The following TTLL12 variants were observed in gnomAD, a reference collection of about 807,000 sequenced individuals.
TTLL12 encodes the protein tubulin tyrosine ligase like 12, also known as tubulin--tyrosine ligase-like protein 12.
Under a neutral mutation model 79.6 loss-of-function variants are expected in TTLL12, and 77 were observed. The observed-to-expected ratio is 0.97, with a 90% CI of 0.81 to 1.17. The LOEUF (loss-of-function observed/expected upper bound fraction) is 1.17. Ranked by LOEUF, TTLL12 falls within the 50% of genes most tolerant of loss-of-function variation. The pLI is 0.00. For missense variants in TTLL12, 969 were observed against 895.9 expected (o/e 1.08, Z -1.04); for synonymous variants, 437 against 376.1 (o/e 1.16, Z -1.87).
intron 1 of TTLL12, among the ~76,000 whole-genome samples, chr22:43,185,272 T>C (rs1932153480): frequency 3.0e-5 from 1 of 32,900 alleles, no homozygotes; most frequent in African/African-American, 8.1e-5. Context: ...TATATATATA[T>C]ATATATATAT....
In TTLL12 at chr22:43,167,054, C is replaced by T. The variant is rs1931634694; in HGVS notation, c.*954G>A. On this transcript the variant is annotated 3_prime_UTR_variant, in exon 14 of 14. Coordinates refer to ENST00000216129, the MANE Select transcript of TTLL12 (RefSeq NM_015140.4). ...CAATTAGAAAAGAACTGGAATTTTACATTTTTCTCCCATACATTAAAAAAT... is the reference window on the plus strand; with the variant it reads ...CAATTAGAAAAGAACTGGAATTTTATATTTTTCTCCCATACATTAAAAAAT... 2 of 355,318 alleles carry T rather than the reference C, an allele frequency of 5.6e-6. No homozygotes were observed. The highest frequency in any genetic ancestry group is 1.2e-5 in the Non-Finnish European group (2 of 173,700). The allele number at this position is 355,318 out of a possible 1,614,324, so 22.0% of individuals were successfully genotyped here. A position where few individuals can be genotyped will look rare whatever the true frequency, so the allele number is the denominator to read the frequency against.
At position 43,167,385 on chromosome 22, in the gene TTLL12, T is replaced by C; in HGVS notation, c.*623A>G. ...TCCTGCCAGGACCTCAGCAGGAGGTTTGCTGGTGAAGGTTCTGGGTGAGCT... is the reference window on the plus strand; with the variant it reads ...TCCTGCCAGGACCTCAGCAGGAGGTCTGCTGGTGAAGGTTCTGGGTGAGCT... On this transcript the variant is annotated 3_prime_UTR_variant, in exon 14 of 14. Coordinates refer to ENST00000216129, the MANE Select transcript of TTLL12 (RefSeq NM_015140.4). 1 of 309,640 alleles carries C rather than the reference T, an allele frequency of 3.2e-6. No homozygotes were observed. Among genetic ancestry groups the C allele is most frequent in the Non-Finnish European group, 6.5e-6 (1 of 154,526 alleles). The allele number at this position is 309,640 out of a possible 1,614,324, so 19.2% of individuals were successfully genotyped here. A position where few individuals can be genotyped will look rare whatever the true frequency, so the allele number is the denominator to read the frequency against.
chr22:43,173,732 G>A lies in TTLL12; in HGVS notation c.1324C>T (p.Arg442Ter), dbSNP rs767704612. ...GGGCCCACCTTGGGGGTGCTCTCTC[G>A]GTGCCGGATGATGCTGTGCAGGCTC... ...TKSLHSIIRH[R>*]ESTPKVVSKY... is the part of the protein sequence containing the mutation. Residue 442 changes from arginine (R) to a stop codon, truncating the protein, a stop_gained, in exon 9 of 14, where the codon CGA becomes TGA. Coordinates refer to ENST00000216129, the MANE Select transcript of TTLL12 (RefSeq NM_015140.4). LOFTEE classifies it high-confidence loss of function. 7 of 1,602,602 alleles carry A rather than the reference G, an allele frequency of 4.4e-6. No homozygotes were observed. The South Asian group carries it at 4.4e-5, about 10-fold the overall frequency.
chr22:43,168,295 C>G, intron 13 of TTLL12, 136 bp from the exon 14 acceptor site: 1 of 1,291,844 alleles, frequency 7.7e-7, no homozygotes, highest in Non-Finnish European at 1.0e-6. Context: ...AGGACAAGGC[C>G]GGGCCTAGAA....
Position 43,184,727 on chromosome 22 carries a change from T to G in TTLL12, c.178-1578A>C, listed in dbSNP as rs575349893. Among the ~76,000 whole-genome samples, 3 of 152,290 alleles carry G rather than the reference T, an allele frequency of 2.0e-5. No individual in the cohort carries two copies. The South Asian group carries it at 6.2e-4, about 32-fold the overall frequency. ...TCCAGACCTCGGGCTTCCGCCCCAG[T>G]ACTCCAAATCCCTAGGGGACAGCGT... On this transcript the variant is annotated intron_variant, in intron 1 of 13. Transcript: ENST00000216129.
chr22:43,183,785 G>A (rs974906189), intron 1 of TTLL12, among the ~76,000 whole-genome samples: 6 of 152,258 alleles, frequency 3.9e-5, no homozygotes, highest in African/African-American at 1.2e-4. Flanking sequence ...GAGCAGAGGG[G>A]TCCCTGGCAC....
At chr22:43,177,061 T>C (rs145668500) in intron 5 of TTLL12, among the ~76,000 whole-genome samples, 4 of 152,146 alleles carry the variant, frequency 2.6e-5, no homozygotes, top group African/African-American at 4.8e-5. Flanking sequence ...GCTTCTGCAG[T>C]GTGATGATTT....
intron 6 of TTLL12, among the ~76,000 whole-genome samples, chr22:43,174,988 A>G (rs1601770444): frequency 6.6e-6 from 1 of 152,264 alleles, no homozygotes; most frequent in Non-Finnish European, 1.5e-5. Context: ...AGGCACACCA[A>G]GGGCCTCCGT....
chr22:43,173,675 AGGGCCCTGAGCCCTG>A, intron 9 of TTLL12, 25 bp downstream of exon 9: 1 of 1,575,780 alleles, frequency 6.3e-7, no homozygotes, highest in Non-Finnish European at 8.6e-7. Flanking sequence ...CTGTCCAGCC[AGGGCCCTGAGCCCTG>A]GGGCTCCTGG....
intron 9 of TTLL12, 114 bp from the exon 10 acceptor site, chr22:43,172,668 G>T: frequency 3.3e-6 from 4 of 1,194,700 alleles, no homozygotes; most frequent in Non-Finnish European, 2.4e-6. Context: ...TCCTCCTTCT[G>T]CCTTTTCAAA....
chr22:43,174,531 G>C lies in TTLL12; in HGVS notation c.1002C>G (p.Ile334Met). The change falls in exon 7 of 14, where the codon ATC becomes ATG. Residue 334 changes from isoleucine (I) to methionine (M), a missense_variant. Transcript: ENST00000216129. ...CCTTGAAGTGTGAGAAGTTGAAGAG[G>C]ATGTCGGCGTCCGCCTCACTCTGGG... ...TLTQSEADAD[I>M]LFNFSHFKDY... The C allele has an allele frequency of 6.2e-7, 1 of 1,613,452 alleles. No homozygotes were observed. The highest frequency in any genetic ancestry group is 1.3e-5 in the African/African-American group (1 of 75,060).
intron 1 of TTLL12, among the ~76,000 whole-genome samples, chr22:43,186,423 A>C (rs1243951575): frequency 6.6e-6 from 1 of 152,228 alleles, no homozygotes; most frequent in South Asian, 2.1e-4. Context: ...TTAACCTGCA[A>C]GATGAGGGGA....
chr22:43,171,690 AG>A, intron 11 of TTLL12, 128 bp downstream of exon 11: 1 of 683,582 alleles, frequency 1.5e-6, no homozygotes, highest in Non-Finnish European at 2.5e-6. Context: ...CTTCCATAGC[AG>A]GAACTCAGGA....
chr22:43,170,452 C>T (rs1289115069), intron 11 of TTLL12, among the ~76,000 whole-genome samples: 2 of 152,210 alleles, frequency 1.3e-5, no homozygotes, highest in African/African-American at 4.8e-5. Context: ...CCAGGTGCCT[C>T]CACGCATGTT....
At chr22:43,185,630 A>G (rs115096319) in intron 1 of TTLL12, among the ~76,000 whole-genome samples, 3,754 of 152,272 alleles carry the variant, frequency 0.025, 176 homozygotes, top group African/African-American at 0.079. Flanking sequence ...TGTGCCAGGC[A>G]TATTTCTCAT....
intron 6 of TTLL12, chr22:43,175,461 A>C (rs1488137668): frequency 6.6e-6 from 1 of 152,144 alleles, no homozygotes; most frequent in African/African-American, 2.4e-5. Context: ...AGGCCTGGCT[A>C]GTGTCGGTTT....
In TTLL12 at chr22:43,172,563, C is replaced by T. The variant is rs1931794667; in HGVS notation, c.1342-9G>A. On this transcript the variant is annotated splice_polypyrimidine_tract_variant and intron_variant, in intron 9 of 13. Coordinates refer to ENST00000216129, the MANE Select transcript of TTLL12 (RefSeq NM_015140.4). ...ATGTACTTGGACACAACCTGGAGGA[C>T]ACAGGTGCAAGCTCGCTGGTGGCCA... The T allele has an allele frequency of 6.2e-7, 1 of 1,613,912 alleles. No homozygotes were observed. Among genetic ancestry groups the T allele is most frequent in the African/African-American group, 1.3e-5 (1 of 74,930 alleles).
intron 3 of TTLL12, among the ~76,000 whole-genome samples, chr22:43,180,357 T>C (rs757626936): frequency 6.6e-6 from 1 of 152,022 alleles, no homozygotes; most frequent in African/African-American, 2.4e-5. Context: ...ACATCTAAGC[T>C]AAAATCATGA....
intron 5 of TTLL12, 79 bp from the exon 6 acceptor site, chr22:43,176,475 A>C: frequency 1.7e-6 from 2 of 1,193,180 alleles, no homozygotes; most frequent in Non-Finnish European, 2.4e-6. Context: ...CATGTCCATA[A>C]TCCCAGCACT....
Sources: allele counts gnomAD v4.1 joint callset (sites outside exome capture counted in the v4.1 genomes callset), GRCh38; gene constraint gnomAD v4.1.1; transcripts MANE v1.5; gene names NCBI Gene and HGNC (gene_info 2026-07-23, HGNC 2026-07-21).